CDH2: variants seen among roughly 807,000 people sequenced by gnomAD.
CDH2 encodes the protein cadherin 2, also known as cadherin-2.
A neutral mutation model predicts 92.0 loss-of-function variants in CDH2; 17 were observed. That is an observed-to-expected ratio of 0.18 (90% CI 0.13 to 0.28). CDH2 has a LOEUF of 0.28. CDH2 is among the 10% of genes least tolerant of loss of function. The pLI is 1.00. For synonymous variants in CDH2, 419 were observed against 415.9 expected, an observed-to-expected ratio of 1.01 and a Z score of -0.09; for missense variants, 862 against 1,133.1, an observed-to-expected ratio of 0.76 and a Z score of 3.44.
intron 7 of CDH2, among the ~76,000 whole-genome samples, chr18:27,996,926 C>T (rs1444043746): frequency 6.6e-6 from 1 of 152,230 alleles, no homozygotes. Flanking sequence ...TTTCCCAAAA[C>T]CACAGTGATT....
intron 2 of CDH2, among the ~76,000 whole-genome samples, chr18:28,080,634 A>G (rs1421515171): frequency 6.6e-6 from 1 of 152,242 alleles, no homozygotes; most frequent in Admixed American, 6.5e-5. Flanking sequence ...TAATGCTTAC[A>G]GCTTATTTGT....
At chr18:28,021,996 C>A (rs532845368) in intron 2 of CDH2, among the ~76,000 whole-genome samples, 1 of 151,896 alleles carries the variant, frequency 6.6e-6, no homozygotes, top group Non-Finnish European at 1.5e-5. Flanking sequence ...AATGAGATTT[C>A]AATTAATGAA....
chr18:28,031,000 A>G (rs1440636558), intron 2 of CDH2, among the ~76,000 whole-genome samples: 1 of 151,466 alleles, frequency 6.6e-6, no homozygotes, highest in Non-Finnish European at 1.5e-5. Context: ...GGTAATTTTA[A>G]CCAATCTTAA....
intron 9 of CDH2, among the ~76,000 whole-genome samples, chr18:27,991,524 A>G (rs1380834737): frequency 6.6e-6 from 1 of 152,202 alleles, no homozygotes; most frequent in African/African-American, 2.4e-5. Flanking sequence ...ATTTATGCTA[A>G]GGGGTATATG....
downstream of CDH2, among the ~76,000 whole-genome samples, chr18:27,948,637 A>G (rs1909335460): frequency 6.6e-6 from 1 of 152,000 alleles, no homozygotes; most frequent in Admixed American, 6.6e-5. Context: ...TACGTAATTC[A>G]AAGAAACACA....
In CDH2 at chr18:27,990,084, C is replaced by G. The variant is rs755651553; in HGVS notation, c.1598+13G>C. On this transcript the variant is annotated intron_variant, in intron 10 of 15. Coordinates refer to ENST00000269141, the MANE Select transcript of CDH2 (RefSeq NM_001792.5). ...AAGTAAGCTACAAAAACACTACAAA[C>G]AGCATTTCATACCTAATATTTTGCT... 1.2e-6 allele frequency: 2 copies of G among 1,610,772 alleles called. No homozygotes were observed. The highest frequency in any genetic ancestry group is 1.7e-6 in the Non-Finnish European group (2 of 1,177,102).
chr18:28,141,938 TACTC>T (rs1479991548), intron 2 of CDH2, among the ~76,000 whole-genome samples: 2 of 151,586 alleles, frequency 1.3e-5, no homozygotes, highest in Non-Finnish European at 2.9e-5. Context: ...CATCAGTTCT[TACTC>T]AATGGTATCC....
chr18:28,148,428 T>C (rs1482827447), intron 1 of CDH2, among the ~76,000 whole-genome samples: 2 of 152,204 alleles, frequency 1.3e-5, no homozygotes, highest in Non-Finnish European at 2.9e-5. Context: ...ATCTGTCATT[T>C]TCTATATCAT....
At chr18:27,973,460 T>G (rs2011724364) in intron 14 of CDH2, among the ~76,000 whole-genome samples, 1 of 152,180 alleles carries the variant, frequency 6.6e-6, no homozygotes. Flanking sequence ...TGCTTTCCCT[T>G]GTTTTTGGTG....
At chr18:28,132,041 T>C (rs908874655) in intron 2 of CDH2, among the ~76,000 whole-genome samples, 4 of 152,160 alleles carry the variant, frequency 2.6e-5, no homozygotes, top group African/African-American at 4.8e-5. Context: ...CTCAGGCTCA[T>C]TGAAAAAGCA....
intron 2 of CDH2, among the ~76,000 whole-genome samples, chr18:28,133,581 CAAAAA>C (rs765999292): frequency 2.1e-5 from 1 of 47,252 alleles, no homozygotes; most frequent in Non-Finnish European, 4.2e-5. Context: ...GACTCTGTCT[CAAAAA>C]AAAAAAAAAA....
intron 2 of CDH2, among the ~76,000 whole-genome samples, chr18:28,052,213 G>A (rs971215826): frequency 3.3e-5 from 5 of 152,138 alleles, no homozygotes; most frequent in Non-Finnish European, 7.4e-5. Context: ...AATTAGAAGA[G>A]TCATAATTTC....
intron 7 of CDH2, among the ~76,000 whole-genome samples, chr18:27,997,906 A>C (rs2143992968): frequency 6.6e-6 from 1 of 152,034 alleles, no homozygotes; most frequent in Non-Finnish European, 1.5e-5. Context: ...TCCCGGGTTC[A>C]CGCCATTCTC....
intron 6 of CDH2, among the ~76,000 whole-genome samples, chr18:27,944,941 C>T (rs1452609132): frequency 1.3e-5 from 2 of 151,950 alleles, no homozygotes; most frequent in East Asian, 3.9e-4. Context: ...CTCATGTAGG[C>T]TTAGTTTTTG....
intron 2 of CDH2, among the ~76,000 whole-genome samples, chr18:28,118,516 C>T (rs1451001207): frequency 2.0e-5 from 3 of 151,838 alleles, no homozygotes; most frequent in Admixed American, 6.6e-5. Context: ...ACTGGGTGAG[C>T]CAAGTGTTCT....
At chr18:28,027,592 A>C (rs2013588458) in intron 2 of CDH2, among the ~76,000 whole-genome samples, 1 of 152,134 alleles carries the variant, frequency 6.6e-6, no homozygotes, top group Non-Finnish European at 1.5e-5. Flanking sequence ...AAAAATATAA[A>C]ATTTAGCTTT....
chr18:27,955,384 A>AG (rs1909658684), intron 15 of CDH2, among the ~76,000 whole-genome samples: 1 of 86,214 alleles, frequency 1.2e-5, no homozygotes. Context: ...AAAAAAAAAA[A>AG]AGAAAAAGAA....
intron 2 of CDH2, chr18:28,097,365 C>T (rs2015153059): frequency 1.9e-5 from 1 of 53,658 alleles, no homozygotes; most frequent in Non-Finnish European, 4.0e-5. Context: ...GAGTTTTGTT[C>T]CTTTTTTTAA....
intron 2 of CDH2, among the ~76,000 whole-genome samples, chr18:28,140,361 A>G (rs546547285): frequency 2.0e-5 from 3 of 152,130 alleles, no homozygotes; most frequent in East Asian, 3.9e-4. Context: ...TTACCAAGAA[A>G]GTGAAGAGAC....
Sources: gnomAD v4.1 joint callset for allele counts (sites outside exome capture counted in the v4.1 genomes callset) on GRCh38, gnomAD v4.1.1 for gene constraint, MANE v1.5 for transcripts, NCBI Gene and HGNC (gene_info 2026-07-23, HGNC 2026-07-21) for gene names.